STYXL2: variants seen among roughly 807,000 people sequenced by gnomAD.
The protein encoded by STYXL2 is serine/threonine/tyrosine-interacting-like protein 2.
STYXL2 carries 44 observed loss-of-function variants against 52.4 expected under a neutral mutation model. That is an observed-to-expected ratio of 0.84 (90% CI 0.66 to 1.08). The LOEUF (loss-of-function observed/expected upper bound fraction) is 1.08. Among genes scored for constraint, STYXL2 ranks in the 50% least tolerant of loss-of-function variants. STYXL2 has a pLI of 0.00. For synonymous variants in STYXL2, 604 were observed against 586.9 expected (o/e 1.03, Z -0.42); for missense variants, 1,604 against 1,471.7 (o/e 1.09, Z -1.47).
At chr1:167,120,720 G>A (rs182354091) in intron 5 of STYXL2, among the ~76,000 whole-genome samples, 7 of 151,520 alleles carry the variant, frequency 4.6e-5, no homozygotes, top group Non-Finnish European at 5.9e-5. Context: ...GGGCTCAAGC[G>A]ATCCTCCCAC....
chr1:167,094,865 G>A lies in STYXL2; in HGVS notation c.16G>A (p.Asp6Asn), dbSNP rs151054229. The change falls in exon 2 of 6, where the codon GAC becomes AAC. Residue 6 changes from aspartate (D) to asparagine (N), a missense_variant. By Grantham distance (23) the Asp-to-Asn change is conservative. Coordinates refer to ENST00000361200, the MANE Select transcript of STYXL2 (RefSeq NM_001080426.3). Reference sequence around the variant, plus strand: ...GCAGGTTGTCATGGCGACCAGAAAGGACACAGAGGAGGAGCAGGTAGTCCC... The same window carrying A: ...GCAGGTTGTCATGGCGACCAGAAAGAACACAGAGGAGGAGCAGGTAGTCCC... MATRK[D>N]TEEEQVVPSE... 2 of 1,613,406 alleles carry A rather than the reference G, an allele frequency of 1.2e-6. No homozygotes were observed. Among genetic ancestry groups the A allele is most frequent in the Non-Finnish European group, 1.7e-6 (2 of 1,179,802 alleles).
At chr1:167,113,343 G>A (rs996427521) in intron 2 of STYXL2, among the ~76,000 whole-genome samples, 1 of 152,178 alleles carries the variant, frequency 6.6e-6, no homozygotes, top group Non-Finnish European at 1.5e-5. Context: ...ACACCCTGTA[G>A]ATTGATAGCA....
At chr1:167,107,297 T>C (rs6427063) in intron 2 of STYXL2, among the ~76,000 whole-genome samples, 125,515 of 152,148 alleles carry the variant, frequency 0.82, 52,627 homozygotes, top group African/African-American at 0.96. Context: ...CACCATGTTG[T>C]ATTCTATTGG....
intron 2 of STYXL2, among the ~76,000 whole-genome samples, chr1:167,101,249 G>A (rs1344813978): frequency 6.6e-6 from 1 of 152,038 alleles, no homozygotes; most frequent in Non-Finnish European, 1.5e-5. Context: ...AATCATTAGG[G>A]ACACACAAAT....
At chr1:167,106,766 C>G (rs773098310) in intron 2 of STYXL2, among the ~76,000 whole-genome samples, 26 of 152,270 alleles carry the variant, frequency 1.7e-4, no homozygotes, top group Middle Eastern at 6.8e-3. Context: ...TTTGCTCTAC[C>G]ATATTGGCAT....
In STYXL2 at chr1:167,127,741, G is replaced by A; in HGVS notation, c.2610G>A (p.Lys870=). The part of the protein sequence containing the change: ...ASDNKRSSLF[K]KKKVKEDEDD... ...ACAACAAACGCAGCTCCCTCTTCAA[G>A]AAGAAGAAGGTCAAGGAAGATGAGG... is the stretch of plus-strand genomic sequence containing the variant. The change falls in exon 6 of 6, where the codon AAG becomes AAA. Residue 870 remains lysine (K), a synonymous_variant. Coordinates refer to ENST00000361200, the MANE Select transcript of STYXL2 (RefSeq NM_001080426.3). 1 of 1,613,888 alleles carries A rather than the reference G, an allele frequency of 6.2e-7. No individual in the cohort carries two copies. Among genetic ancestry groups the A allele is most frequent in the Non-Finnish European group, 8.5e-7 (1 of 1,179,900 alleles).
At chr1:167,095,948 C>T (rs1433318664) in intron 2 of STYXL2, among the ~76,000 whole-genome samples, 1 of 152,176 alleles carries the variant, frequency 6.6e-6, no homozygotes, top group Non-Finnish European at 1.5e-5. Flanking sequence ...AGGTGCTCAG[C>T]ACTCATGGGC....
chr1:167,120,547 G>A (rs890839022), intron 5 of STYXL2, among the ~76,000 whole-genome samples: 1 of 151,938 alleles, frequency 6.6e-6, no homozygotes, highest in Admixed American at 6.6e-5. Flanking sequence ...TCCTGGAAAG[G>A]GCATTGCCTG....
chr1:167,127,972 A>C lies in STYXL2; in HGVS notation c.2841A>C (p.Lys947Asn). The C allele has an allele frequency of 6.2e-7, 1 of 1,613,552 alleles. No homozygotes were observed. The highest frequency in any genetic ancestry group is 1.1e-5 in the South Asian group (1 of 91,044). ...TCAGTGGCCTCAGGACGGAGGAAAA[A>C]CCTCCTTTCCAAAGTGACTGGTCTG... ...KWLSGLRTEE[K>N]PPFQSDWSGS... The change falls in exon 6 of 6, where the codon AAA becomes AAC. Residue 947 changes from lysine to asparagine, a missense_variant. Coordinates refer to ENST00000361200, the MANE Select transcript of STYXL2 (RefSeq NM_001080426.3).
chr1:167,128,826 G>T lies in STYXL2; in HGVS notation c.*218G>T, dbSNP rs75932332. The T allele has an allele frequency of 1.5e-5, 9 of 581,104 alleles. No individual in the cohort carries two copies. The highest frequency in any genetic ancestry group is 4.5e-5 in the African/African-American group (1 of 22,290). The allele number at this position is 581,104 out of a possible 1,614,324, so 36.0% of individuals were successfully genotyped here. On this transcript the variant is annotated 3_prime_UTR_variant, in exon 6 of 6. Transcript: ENST00000361200. ...CAATACGAATACGAGGTCCGAATGC[G>T]GACCAACTGATACCATTTTCTGTTG... is the stretch of plus-strand genomic sequence containing the variant.
At chr1:167,096,233 G>A (rs912737088) in intron 2 of STYXL2, among the ~76,000 whole-genome samples, 2 of 152,030 alleles carry the variant, frequency 1.3e-5, no homozygotes, top group Non-Finnish European at 2.9e-5. Flanking sequence ...ACTTCAGCCT[G>A]GGCGACAGAG....
chr1:167,107,065 A>C (rs1667519113), intron 2 of STYXL2, among the ~76,000 whole-genome samples: 2 of 152,108 alleles, frequency 1.3e-5, no homozygotes, highest in South Asian at 2.1e-4. Context: ...GAGTGGCCTG[A>C]TGGGCTGCAA....
intron 4 of STYXL2, among the ~76,000 whole-genome samples, chr1:167,118,435 T>C (rs1378183541): frequency 2.6e-5 from 4 of 152,308 alleles, no homozygotes; most frequent in African/African-American, 9.6e-5. Flanking sequence ...CTTTGAACAG[T>C]GGGTCTTATC....
intron 3 of STYXL2, among the ~76,000 whole-genome samples, chr1:167,115,495 G>T (rs1268220717): frequency 6.6e-6 from 1 of 152,156 alleles, no homozygotes; most frequent in Non-Finnish European, 1.5e-5. Flanking sequence ...GGGGTGAAGG[G>T]CTGGGACATT....
At chr1:167,124,030 A>C (rs1409045086) in intron 5 of STYXL2, among the ~76,000 whole-genome samples, 1 of 151,422 alleles carries the variant, frequency 6.6e-6, no homozygotes, top group Admixed American at 6.6e-5. Context: ...TGATCCTCCC[A>C]CCTCAGCCTC....
Position 167,127,147 on chromosome 1 carries a change from T to C in STYXL2, c.2016T>C (p.Asp672=), listed in dbSNP as rs539069832. The C allele has an allele frequency of 5.6e-6, 9 of 1,614,040 alleles. No homozygotes were observed. The highest frequency in any genetic ancestry group is 1.6e-4 in the Middle Eastern group (1 of 6,062). The change falls in exon 6 of 6, where the codon GAT becomes GAC. Residue 672 remains aspartate, a synonymous_variant. Coordinates refer to ENST00000361200, the MANE Select transcript of STYXL2 (RefSeq NM_001080426.3). The part of the protein sequence containing the change: ...FWSADPSVSA[D]GDTTSVLSTQ... ...CTGCAGACCCCTCAGTCAGCGCTGA[T>C]GGGGACACGACGTCAGTACTGAGCA...
chr1:167,113,183 C>T (rs1433628601), intron 2 of STYXL2, among the ~76,000 whole-genome samples: 1 of 152,160 alleles, frequency 6.6e-6, no homozygotes, highest in Non-Finnish European at 1.5e-5. Context: ...TCATCTTTAG[C>T]ATTGCACTTG....
chr1:167,119,555 G>T, intron 5 of STYXL2, 89 bp downstream of exon 5: 1 of 1,100,752 alleles, frequency 9.1e-7, no homozygotes. Context: ...TAGTTGGCGT[G>T]TGTGAGGGGT....
At chr1:167,097,225 A>G (rs1484279777) in intron 2 of STYXL2, among the ~76,000 whole-genome samples, 3 of 152,192 alleles carry the variant, frequency 2.0e-5, no homozygotes, top group Non-Finnish European at 4.4e-5. Context: ...TAGCTTTTGC[A>G]GACTGTGTCC....
Sources: allele counts gnomAD v4.1 joint callset (sites outside exome capture counted in the v4.1 genomes callset), GRCh38; gene constraint gnomAD v4.1.1; transcripts MANE v1.5; gene names NCBI Gene and HGNC (gene_info 2026-07-23, HGNC 2026-07-21).